Variants in MAT1A observed in about 807,000 individuals in gnomAD.
MAT1A encodes S-adenosylmethionine synthase isoform type-1.
A neutral mutation model predicts 44.0 loss-of-function variants in MAT1A; 19 were observed. The observed-to-expected ratio is 0.43, with a 90% CI of 0.30 to 0.63. The LOEUF (loss-of-function observed/expected upper bound fraction) is 0.63. Among genes scored for constraint, MAT1A ranks in the 30% least tolerant of loss-of-function variants. The pLI is 0.12. For missense variants in MAT1A, 397 were observed against 531.0 expected (o/e 0.75, Z 2.48); for synonymous variants, 205 against 205.6 (o/e 1.00, Z 0.03).
chr10:80,278,680 C>T (rs1364682028), intron 5 of MAT1A, among the ~76,000 whole-genome samples: 1 of 152,220 alleles, frequency 6.6e-6, no homozygotes, highest in Non-Finnish European at 1.5e-5. Flanking sequence ...AGCACACTTC[C>T]CTGCCCCAGT....
At chr10:80,288,660 G>A (rs1478473647) in intron 1 of MAT1A, among the ~76,000 whole-genome samples, 2 of 152,140 alleles carry the variant, frequency 1.3e-5, no homozygotes, top group African/African-American at 4.8e-5. Context: ...AGTGACCAGG[G>A]TGCAGGCTTT....
rs376993881 is a variant in MAT1A, at chr10:80,275,073, G to A, written c.895C>T (p.Arg299Cys). Residue 299 changes from arginine to cysteine, a missense_variant, in exon 7 of 9, where the codon CGC becomes TGC. Physicochemically the swap from Arg to Cys is radical, Grantham distance 180. Transcript: ENST00000372213. ...KVDRSAAYAARWVAKSLVKAG... is the reference protein window; with the variant it reads ...KVDRSAAYAACWVAKSLVKAG... Reference sequence around the variant, plus strand: ...TTCACCAGAGACTTGGCCACCCAGCGGGCAGCATATGCAGCTGAGCGGTCT... The same window carrying A: ...TTCACCAGAGACTTGGCCACCCAGCAGGCAGCATATGCAGCTGAGCGGTCT... The A allele has an allele frequency of 6.3e-6, 10 of 1,579,206 alleles. No homozygotes were observed. In the East Asian group the frequency reaches 9.4e-5, roughly 15 times the overall value.
rs138742870 is a variant in MAT1A at position 80,274,538 on chromosome 10, C to T, written c.1067G>A (p.Arg356Gln). ...ACTTTACCTGACAATGACGCCCGGCCGGAGGTCGAAGTTCTTATGCACCAC... is the reference window on the plus strand; with the variant it reads ...ACTTTACCTGACAATGACGCCCGGCTGGAGGTCGAAGTTCTTATGCACCAC... ...LDVVHKNFDL[R>Q]PGVIVRDLDL... Residue 356 changes from arginine (R) to glutamine (Q), a missense_variant, in exon 8 of 9, where the codon CGG (arginine) becomes CAG (glutamine). Transcript: ENST00000372213. The T allele has an allele frequency of 7.4e-6, 12 of 1,614,174 alleles. No individual in the cohort carries two copies. The East Asian group carries it at 1.1e-4, about 15-fold the overall frequency.
intron 5 of MAT1A, among the ~76,000 whole-genome samples, chr10:80,279,560 C>T (rs60204118): frequency 0.42 from 63,602 of 151,720 alleles, 14,362 homozygotes; most frequent in East Asian, 0.95. Context: ...GGGTGAGGTG[C>T]CAGGAGGCCT....
In MAT1A at chr10:80,275,078, G is replaced by T. The variant is rs755939318; in HGVS notation, c.890C>A (p.Ala297Asp). 12 of 1,584,266 alleles carry T rather than the reference G, an allele frequency of 7.6e-6. No individual in the cohort carries two copies. Among genetic ancestry groups the T allele is most frequent in the Non-Finnish European group, 9.4e-6 (11 of 1,165,642 alleles). ...YTKVDRSAAY[A>D]ARWVAKSLVK... ...CAGAGACTTGGCCACCCAGCGGGCA[G>T]CATATGCAGCTGAGCGGTCTACCTT... The change falls in exon 7 of 9, where the codon GCT becomes GAT. Residue 297 changes from alanine to aspartate, a missense_variant. Coordinates refer to ENST00000372213, the MANE Select transcript of MAT1A (RefSeq NM_000429.3).
chr10:80,280,935 A>G (rs1841558498), intron 3 of MAT1A, 143 bp from the exon 4 acceptor site: 1 of 712,270 alleles, frequency 1.4e-6, no homozygotes, highest in Non-Finnish European at 2.5e-6. Context: ...GTCTAGGCCC[A>G]CAGCTGAGGC....
intron 1 of MAT1A, among the ~76,000 whole-genome samples, chr10:80,288,807 T>C (rs1841682483): frequency 6.6e-6 from 1 of 152,166 alleles, no homozygotes. Flanking sequence ...TATAAAAAGT[T>C]AAGACCTGAT....
intron 4 of MAT1A, 59 bp downstream of exon 4, chr10:80,280,621 T>G: frequency 6.9e-7 from 1 of 1,440,700 alleles, no homozygotes; most frequent in South Asian, 1.1e-5. Flanking sequence ...ATTAACCCAC[T>G]GCTCATGAAC....
intron 2 of MAT1A, among the ~76,000 whole-genome samples, chr10:80,284,841 C>T (rs79983708): frequency 6.6e-6 from 1 of 152,314 alleles, no homozygotes; most frequent in East Asian, 1.9e-4. Context: ...ACAACTTATC[C>T]CACAAATAAA....
chr10:80,289,474 G>T lies in MAT1A; in HGVS notation c.-51C>A. ...TCTTTCAGTGAACAATTTTGAGGCT[G>T]TGACTTTGCCTGAGTTTTTTTTTCT... On this transcript the variant is annotated 5_prime_UTR_variant, in exon 1 of 9. Coordinates refer to ENST00000372213, the MANE Select transcript of MAT1A (RefSeq NM_000429.3). 1 of 1,438,270 alleles carries T rather than the reference G, an allele frequency of 7.0e-7. No individual in the cohort carries two copies. Among genetic ancestry groups the T allele is most frequent in the Non-Finnish European group, 9.7e-7 (1 of 1,025,930 alleles). The allele number at this position is 1,438,270 out of a possible 1,614,324, so 89.1% of individuals were successfully genotyped here.
chr10:80,280,594 A>C, intron 4 of MAT1A, 86 bp downstream of exon 4: 1 of 1,229,466 alleles, frequency 8.1e-7, no homozygotes, highest in Non-Finnish European at 1.2e-6. Flanking sequence ...TAGGACAAGA[A>C]TCCACCCCTC....
chr10:80,275,280 T>C, intron 6 of MAT1A, 81 bp from the exon 7 acceptor site: 7 of 1,260,948 alleles, frequency 5.6e-6, no homozygotes, highest in Non-Finnish European at 7.9e-6. Flanking sequence ...TGATGGCAGC[T>C]GAACTGCAAC....
chr10:80,286,998 G>A (rs1352063433), intron 1 of MAT1A, among the ~76,000 whole-genome samples: 4 of 152,130 alleles, frequency 2.6e-5, no homozygotes, highest in African/African-American at 4.8e-5. Flanking sequence ...AGTACCTTTA[G>A]GTTTGTCTGA....
Position 80,272,111 on chromosome 10 carries a change from C to T in MAT1A, c.*1670G>A, listed in dbSNP as rs1406376411. The T allele has an allele frequency of 6.6e-6, 1 of 152,178 alleles. No homozygotes were observed. The highest frequency in any genetic ancestry group is 1.5e-5 in the Non-Finnish European group (1 of 68,050). 9.4% of individuals were successfully genotyped at this position (152,178 alleles called of 1,614,324 possible). On this transcript the variant is annotated 3_prime_UTR_variant, in exon 9 of 9. Transcript: ENST00000372213. ...CCTGAGAGAAAATGAAAGCCAGGGT[C>T]TTTGTGCTCCAGGCCAAGGCCCAGA...
chr10:80,274,332 G>A (rs1159334544), intron 8 of MAT1A, among the ~76,000 whole-genome samples, 188 bp downstream of exon 8: 2 of 152,180 alleles, frequency 1.3e-5, no homozygotes, highest in African/African-American at 4.8e-5. Context: ...GGAACCTGGG[G>A]CAGCCTCCTT....
At chr10:80,285,129 A>G (rs1027806198) in intron 2 of MAT1A, among the ~76,000 whole-genome samples, 7 of 152,232 alleles carry the variant, frequency 4.6e-5, no homozygotes, top group African/African-American at 1.7e-4. Context: ...TGCAGCTTAT[A>G]ACCATCTAGG....
Position 80,276,415 on chromosome 10 carries a change from G to A in MAT1A, c.729C>T (p.His243=). ...TGACAAACCGCCCACTGGGCTGCAG[G>A]TGGTAGACGGTGTCTTCGTCCAGGT... ...AKYLDEDTVY[H]LQPSGRFVIG... is the part of the protein sequence containing the mutation. The change falls in exon 6 of 9, where the codon CAC becomes CAT. Residue 243 remains histidine (H), a synonymous_variant. Transcript: ENST00000372213. The A allele has an allele frequency of 6.2e-7, 1 of 1,614,166 alleles. No individual in the cohort carries two copies. The highest frequency in any genetic ancestry group is 8.5e-7 in the Non-Finnish European group (1 of 1,180,036).
intron 5 of MAT1A, among the ~76,000 whole-genome samples, chr10:80,279,940 C>A (rs181338392): frequency 3.9e-5 from 6 of 152,010 alleles, no homozygotes; most frequent in Non-Finnish European, 8.8e-5. Context: ...ACAAAAAAAA[C>A]GGAACTATTC....
At chr10:80,274,183 AC>A (rs1841448956) in intron 8 of MAT1A, among the ~76,000 whole-genome samples, 1 of 152,156 alleles carries the variant, frequency 6.6e-6, no homozygotes, top group African/African-American at 2.4e-5. Flanking sequence ...AGCTCTAGAA[AC>A]GGAATAGACT....
Sources: allele counts gnomAD v4.1 joint callset (sites outside exome capture counted in the v4.1 genomes callset), GRCh38; gene constraint gnomAD v4.1.1; transcripts MANE v1.5; gene names NCBI Gene and HGNC (gene_info 2026-07-23, HGNC 2026-07-21).